PHLPP1: variants seen among roughly 807,000 people sequenced by gnomAD.
PHLPP1 encodes PH domain and leucine rich repeat protein phosphatase 1.
In PHLPP1, 42 loss-of-function variants were observed where a neutral mutation model predicts 117.2. The observed-to-expected ratio is 0.36, with a 90% CI of 0.28 to 0.46. The LOEUF (loss-of-function observed/expected upper bound fraction) is 0.46. Ranked by LOEUF, PHLPP1 falls within the 20% of genes least tolerant of loss-of-function variation. PHLPP1 has a pLI of 1.00. For missense variants in PHLPP1, 2,084 were observed against 2,241.9 expected (o/e 0.93, Z 1.42); for synonymous variants, 1,042 against 970.7 (o/e 1.07, Z -1.37).
At chr18:62,722,675 C>T (rs949120758) in intron 1 of PHLPP1, among the ~76,000 whole-genome samples, 5 of 152,008 alleles carry the variant, frequency 3.3e-5, no homozygotes, top group African/African-American at 1.2e-4. Context: ...AAACAAAATC[C>T]ACCATATGAA....
chr18:62,770,187 T>G (rs1268356113), intron 1 of PHLPP1, among the ~76,000 whole-genome samples: 2 of 152,230 alleles, frequency 1.3e-5, no homozygotes, highest in African/African-American at 4.8e-5. Flanking sequence ...CTTGGCTCAT[T>G]GCAACCTCCG....
chr18:62,964,676 G>A (rs1910856360), intron 14 of PHLPP1, among the ~76,000 whole-genome samples: 1 of 152,098 alleles, frequency 6.6e-6, no homozygotes, highest in Admixed American at 6.5e-5. Context: ...TCATTGTGTT[G>A]GGACAGAGGA....
chr18:62,718,818 T>C (rs1252807323), intron 1 of PHLPP1, among the ~76,000 whole-genome samples: 5 of 152,204 alleles, frequency 3.3e-5, no homozygotes, highest in Non-Finnish European at 1.5e-5. Context: ...TTTGAACAAA[T>C]TTTATATGGA....
chr18:62,835,942 G>A (rs1475588915), intron 2 of PHLPP1, among the ~76,000 whole-genome samples: 1 of 151,012 alleles, frequency 6.6e-6, no homozygotes, highest in Admixed American at 6.6e-5. Flanking sequence ...CACCACGCCC[G>A]ACTAATTTTT....
chr18:62,960,387 C>T (rs1012767115), intron 13 of PHLPP1, among the ~76,000 whole-genome samples: 1 of 152,000 alleles, frequency 6.6e-6, no homozygotes, highest in African/African-American at 2.4e-5. Flanking sequence ...ATATTTATGT[C>T]GTATATGTTT....
chr18:62,898,039 C>CTCT (rs1568154492), intron 6 of PHLPP1, among the ~76,000 whole-genome samples: 1 of 152,064 alleles, frequency 6.6e-6, no homozygotes, highest in Non-Finnish European at 1.5e-5. Context: ...CCTCTTTGTA[C>CTCT]AAAGTGTGGC....
At chr18:62,858,722 G>A (rs1274392697) in intron 3 of PHLPP1, among the ~76,000 whole-genome samples, 1 of 152,124 alleles carries the variant, frequency 6.6e-6, no homozygotes, top group Non-Finnish European at 1.5e-5. Context: ...ACCTAGCCTA[G>A]TAGTTTGAGA....
At chr18:62,937,053 A>G (rs1909994844) in intron 10 of PHLPP1, among the ~76,000 whole-genome samples, 1 of 152,246 alleles carries the variant, frequency 6.6e-6, no homozygotes, top group Non-Finnish European at 1.5e-5. Flanking sequence ...AATCATTTTT[A>G]CAATACCTGG....
intron 10 of PHLPP1, among the ~76,000 whole-genome samples, chr18:62,934,668 A>C (rs1402440083): frequency 6.6e-6 from 1 of 152,176 alleles, no homozygotes; most frequent in Non-Finnish European, 1.5e-5. Context: ...TACACAATTT[A>C]CCCGTTTAAC....
At chr18:62,948,905 A>G (rs1910373518) in intron 12 of PHLPP1, among the ~76,000 whole-genome samples, 1 of 152,178 alleles carries the variant, frequency 6.6e-6, no homozygotes, top group African/African-American at 2.4e-5. Flanking sequence ...TCTTGTAAAA[A>G]TTGTGCGTAT....
intron 3 of PHLPP1, among the ~76,000 whole-genome samples, chr18:62,844,651 AG>A (rs1238846892): frequency 6.6e-6 from 1 of 152,184 alleles, no homozygotes; most frequent in African/African-American, 2.4e-5. Flanking sequence ...CTAGAAGATG[AG>A]GACTCTTCTT....
intron 1 of PHLPP1, among the ~76,000 whole-genome samples, chr18:62,780,992 T>C (rs1913102887): frequency 6.6e-6 from 1 of 152,176 alleles, no homozygotes; most frequent in Non-Finnish European, 1.5e-5. Flanking sequence ...TGTGTTTCAA[T>C]GGGAAAAGCA....
intron 7 of PHLPP1, among the ~76,000 whole-genome samples, chr18:62,903,743 C>T (rs1395572042): frequency 1.3e-5 from 2 of 149,014 alleles, no homozygotes; most frequent in Non-Finnish European, 1.5e-5. Flanking sequence ...GCACTCCAGC[C>T]TGGTTGACAG....
At chr18:62,840,992 C>A (rs763358291) in intron 3 of PHLPP1, among the ~76,000 whole-genome samples, 16 of 152,180 alleles carry the variant, frequency 1.1e-4, no homozygotes, top group Non-Finnish European at 1.8e-4. Context: ...TGGGTTCAAG[C>A]AATTCTCCTA....
chr18:62,742,974 T>C (rs1911574087), intron 1 of PHLPP1, among the ~76,000 whole-genome samples: 1 of 152,228 alleles, frequency 6.6e-6, no homozygotes, highest in African/African-American at 2.4e-5. Context: ...CTTAATACTT[T>C]AAAAACCAAT....
At chr18:62,729,573 G>T (rs1190007136) in intron 1 of PHLPP1, among the ~76,000 whole-genome samples, 2 of 152,146 alleles carry the variant, frequency 1.3e-5, no homozygotes, top group Non-Finnish European at 2.9e-5. Flanking sequence ...TACTCGGGAG[G>T]CCGAGGCAGG....
In PHLPP1 at chr18:62,968,529, C is replaced by CTTTT. The variant is rs34849907; in HGVS notation, c.3561-3962_3561-3959dup. ...CTGTTCATAATATCCCATTATTAGG[C>CTTTT]TTTTTTTTTTTTTTTTTTTTTTTTT... On this transcript the variant is annotated intron_variant, in intron 14 of 16. Transcript: ENST00000262719. 1.9e-4 allele frequency among the ~76,000 whole-genome samples: 10 copies of CTTTT among 51,776 alleles called. 1 individual carries two copies. Among genetic ancestry groups the CTTTT allele is most frequent in the Non-Finnish European group, 2.6e-4 (7 of 26,472 alleles). 34.0% of individuals were successfully genotyped at this position (51,776 alleles called of 152,430 possible).
chr18:62,735,892 T>C (rs1232060183), intron 1 of PHLPP1, among the ~76,000 whole-genome samples: 2 of 151,990 alleles, frequency 1.3e-5, no homozygotes, highest in East Asian at 3.9e-4. Context: ...GGCACATGTA[T>C]ACATATGTAA....
intron 4 of PHLPP1, among the ~76,000 whole-genome samples, chr18:62,864,581 C>T (rs771891528): frequency 1.8e-4 from 28 of 152,198 alleles, no homozygotes; most frequent in Non-Finnish European, 3.5e-4. Context: ...GTAAGCTTAT[C>T]TGCATTCCTA....
Sources: gnomAD v4.1 joint callset for allele counts (sites outside exome capture counted in the v4.1 genomes callset) on GRCh38, gnomAD v4.1.1 for gene constraint, MANE v1.5 for transcripts, NCBI Gene and HGNC (gene_info 2026-07-23, HGNC 2026-07-21) for gene names.